Variants in DNTT observed in about 807,000 individuals in gnomAD.
DNTT encodes the protein DNA nucleotidylexotransferase.
DNTT carries 47 observed loss-of-function variants against 60.9 expected under a neutral mutation model. That is an observed-to-expected ratio of 0.77 (90% CI 0.61 to 0.98). The LOEUF is 0.98. DNTT is among the 50% of genes least tolerant of loss of function. The pLI, the probability that DNTT is intolerant of heterozygous loss-of-function variation, is 0.00. For missense variants in DNTT, 665 were observed against 627.5 expected, an observed-to-expected ratio of 1.06 and a Z score of -0.64; for synonymous variants, 224 against 221.2, an observed-to-expected ratio of 1.01 and a Z score of -0.11.
At chr10:96,337,116 G>A (rs999092165) in intron 10 of DNTT, among the ~76,000 whole-genome samples, 9 of 152,140 alleles carry the variant, frequency 5.9e-5, no homozygotes, top group Admixed American at 1.3e-4. Context: ...AGGGGCAGCC[G>A]AATATGGGTG....
chr10:96,307,239 G>C (rs1314631343), intron 1 of DNTT, among the ~76,000 whole-genome samples: 1 of 151,480 alleles, frequency 6.6e-6, no homozygotes. Context: ...TCAACAAATA[G>C]AACAAAGACA....
rs1279007405 is a variant in DNTT, at chr10:96,338,252, T to C, written c.*28T>C. 3 of 1,591,256 alleles carry C rather than the reference T, an allele frequency of 1.9e-6. No homozygotes were observed. Among genetic ancestry groups the C allele is most frequent in the Non-Finnish European group, 1.7e-6 (2 of 1,167,716 alleles). On this transcript the variant is annotated 3_prime_UTR_variant, in exon 11 of 11. Transcript: ENST00000371174. ...AAGTGTTGTCAACATTTTTTTCCTA[T>C]TCTTTTCAAGTTAAATAAATTATGC... is the stretch of plus-strand genomic sequence containing the variant.
rs1564876648 is a variant in DNTT, at chr10:96,338,050, C to A, written c.1444-88C>A. 3 of 1,152,602 alleles carry A rather than the reference C, an allele frequency of 2.6e-6. No individual in the cohort carries two copies. The East Asian group carries it at 7.5e-5, about 29-fold the overall frequency. The allele number at this position is 1,152,602 out of a possible 1,614,324, so 71.4% of individuals were successfully genotyped here. ...TGGGCTGTAATTCATTCTGACAAGG[C>A]AATTTTATAAGTAACACTTTCACTG... is the stretch of plus-strand genomic sequence containing the variant. On this transcript the variant is annotated intron_variant, in intron 10 of 10. Coordinates refer to ENST00000371174, the MANE Select transcript of DNTT (RefSeq NM_004088.4).
Position 96,324,333 on chromosome 10 carries a change from C to A in DNTT, c.818C>A (p.Thr273Asn). The A allele has an allele frequency of 6.2e-7, 1 of 1,613,632 alleles. No individual in the cohort carries two copies. Among genetic ancestry groups the A allele is most frequent in the Non-Finnish European group, 8.5e-7 (1 of 1,179,650 alleles). ...SEKWFRMGFR[T>N]LSKVRSDKSL... ...AAGTGGTTCAGGATGGGTTTCAGAACTCTGAGTAAAGTAAGGTCGGACAAA... is the reference window on the plus strand; with the variant it reads ...AAGTGGTTCAGGATGGGTTTCAGAAATCTGAGTAAAGTAAGGTCGGACAAA... The change falls in exon 6 of 11, where the codon ACT (threonine) becomes AAT (asparagine). Residue 273 changes from threonine to asparagine, a missense_variant. Transcript: ENST00000371174.
At chr10:96,307,701 GTGTGTATA>G (rs1326114333) in intron 1 of DNTT, among the ~76,000 whole-genome samples, 1,319 of 85,002 alleles carry the variant, frequency 0.016, 22 homozygotes, top group African/African-American at 0.037. Context: ...GTGTGTGTGT[GTGTGTATA>G]TATATATATA....
chr10:96,312,175 G>C (rs998488444), intron 1 of DNTT, among the ~76,000 whole-genome samples: 2 of 152,176 alleles, frequency 1.3e-5, no homozygotes, highest in East Asian at 1.9e-4. Flanking sequence ...GAGGCCAAAG[G>C]CTCGAGTGGG....
chr10:96,330,438 G>T (rs1279339834), intron 8 of DNTT, among the ~76,000 whole-genome samples: 1 of 151,590 alleles, frequency 6.6e-6, no homozygotes, highest in Non-Finnish European at 1.5e-5. Context: ...ACAAAAGGCT[G>T]CTATTCTGTA....
chr10:96,320,590 C>A (rs758595191), intron 3 of DNTT, 28 bp from the exon 4 acceptor site: 1 of 1,610,164 alleles, frequency 6.2e-7, no homozygotes, highest in Non-Finnish European at 8.5e-7. Context: ...GGAAGCAAAT[C>A]TCCTGCTTAT....
chr10:96,338,063 A>G, intron 10 of DNTT, 75 bp from the exon 11 acceptor site: 2 of 1,292,984 alleles, frequency 1.5e-6, no homozygotes, highest in South Asian at 2.8e-5. Context: ...TTTTATAAGT[A>G]ACACTTTCAC....
intron 6 of DNTT, 45 bp downstream of exon 6, chr10:96,324,434 G>A (rs1428982688): frequency 6.2e-7 from 1 of 1,607,446 alleles, no homozygotes; most frequent in Non-Finnish European, 8.5e-7. Flanking sequence ...GGGCTGGTCG[G>A]GTCGTGGTGG....
chr10:96,316,330 A>G (rs544067776), intron 1 of DNTT, among the ~76,000 whole-genome samples: 3 of 152,230 alleles, frequency 2.0e-5, no homozygotes, highest in African/African-American at 7.2e-5. Context: ...ATCATCTCAC[A>G]CTTACACAAT....
chr10:96,336,484 T>TA (rs1188770597), intron 10 of DNTT, among the ~76,000 whole-genome samples: 1 of 152,194 alleles, frequency 6.6e-6, no homozygotes, highest in African/African-American at 2.4e-5. Flanking sequence ...GTGCTAGTCT[T>TA]ACTGTGGTCA....
intron 6 of DNTT, 137 bp from the exon 7 acceptor site, chr10:96,327,331 C>A: frequency 7.7e-7 from 1 of 1,299,082 alleles, no homozygotes; most frequent in Non-Finnish European, 1.1e-6. Context: ...ACTATTCTGT[C>A]TCTGTGGGAA....
At chr10:96,331,426 G>A (rs1044546492) in intron 8 of DNTT, among the ~76,000 whole-genome samples, 4 of 152,208 alleles carry the variant, frequency 2.6e-5, no homozygotes, top group Non-Finnish European at 5.9e-5. Context: ...ATCTGCTTCT[G>A]GTGCGGCCTC....
chr10:96,325,292 TAA>T (rs1844926772), intron 6 of DNTT, among the ~76,000 whole-genome samples: 2 of 152,074 alleles, frequency 1.3e-5, no homozygotes, highest in African/African-American at 4.8e-5. Context: ...ACATAGGAAA[TAA>T]AAGAGTCTAA....
Position 96,304,616 on chromosome 10 carries a change from T to C in DNTT, c.119T>C (p.Leu40Ser). ...IKFQDLVVFILEKKMGTTRRA... is the reference protein window; with the variant it reads ...IKFQDLVVFISEKKMGTTRRA... Reference sequence around the variant, plus strand: ...TTTCAAGATTTGGTCGTCTTCATTTTGGAGAAGAAAATGGGAACCACCCGC... The same window carrying C: ...TTTCAAGATTTGGTCGTCTTCATTTCGGAGAAGAAAATGGGAACCACCCGC... Residue 40 changes from leucine to serine, a missense_variant, in exon 1 of 11, where the codon TTG (leucine) becomes TCG (serine). By Grantham distance (145) the Leu-to-Ser change is moderately radical. Coordinates refer to ENST00000371174, the MANE Select transcript of DNTT (RefSeq NM_004088.4). 6.2e-7 allele frequency: 1 copy of C among 1,614,142 alleles called. No homozygotes were observed. Among genetic ancestry groups the C allele is most frequent in the South Asian group, 1.1e-5 (1 of 91,084 alleles).
chr10:96,316,656 G>A (rs1166766033), intron 1 of DNTT, among the ~76,000 whole-genome samples: 1 of 152,106 alleles, frequency 6.6e-6, no homozygotes, highest in Admixed American at 6.6e-5. Context: ...TCTTCCAGGA[G>A]AACCCTAAGT....
chr10:96,319,079 G>C (rs1185089902), intron 2 of DNTT, among the ~76,000 whole-genome samples, 183 bp from the exon 3 acceptor site: 1 of 151,264 alleles, frequency 6.6e-6, no homozygotes, highest in Non-Finnish European at 1.5e-5. Flanking sequence ...TTTTTTTTCT[G>C]ATTTCAAAAA....
At chr10:96,330,839 T>G in intron 8 of DNTT, among the ~76,000 whole-genome samples, 1 of 152,182 alleles carries the variant, frequency 6.6e-6, no homozygotes. Flanking sequence ...CCCTGCAAAC[T>G]GAGCTTTAGC....
Sources: gnomAD v4.1 joint callset for allele counts (sites outside exome capture counted in the v4.1 genomes callset) on GRCh38, gnomAD v4.1.1 for gene constraint, MANE v1.5 for transcripts, NCBI Gene and HGNC (gene_info 2026-07-23, HGNC 2026-07-21) for gene names.